ASCC1: variants seen among roughly 807,000 people sequenced by gnomAD.
ASCC1 encodes the protein activating signal cointegrator 1 complex subunit 1, also known as ASC-1 complex subunit P50.
In ASCC1, 35 loss-of-function variants were observed where a neutral mutation model predicts 46.6. The ratio of observed to expected loss-of-function variants is 0.75; its 90% CI spans 0.57 to 0.99. The LOEUF (loss-of-function observed/expected upper bound fraction) is 0.99, where lower values mean the gene tolerates loss of function less well. Among genes scored for constraint, ASCC1 ranks in the 50% least tolerant of loss-of-function variants. The pLI, the probability that ASCC1 is intolerant of heterozygous loss-of-function variation, is 0.00. For missense variants in ASCC1, 376 were observed against 428.7 expected, an observed-to-expected ratio of 0.88 and a Z score of 1.09; for synonymous variants, 143 against 146.6, an observed-to-expected ratio of 0.98 and a Z score of 0.18.
intron 5 of ASCC1, 46 bp from the exon 6 acceptor site, chr10:72,161,720 C>T: frequency 6.2e-7 from 1 of 1,612,464 alleles, no homozygotes; most frequent in Admixed American, 1.7e-5. Context: ...CATACAAAGG[C>T]AAATGGCAAG....
chr10:72,190,486 A>G (rs1854254786), intron 5 of ASCC1: 1 of 1,597,752 alleles, frequency 6.3e-7, no homozygotes, highest in Non-Finnish European at 8.5e-7. Context: ...GTGGCCTTGG[A>G]AAGGGCCATA....
chr10:72,113,702 T>C (rs2132047717), intron 9 of ASCC1, among the ~76,000 whole-genome samples: 1 of 152,388 alleles, frequency 6.6e-6, no homozygotes, highest in South Asian at 2.1e-4. Context: ...TTTCCTTATA[T>C]ATCTGATGCT....
At chr10:72,105,941 G>A (rs566064106) in intron 9 of ASCC1, among the ~76,000 whole-genome samples, 2 of 152,118 alleles carry the variant, frequency 1.3e-5, no homozygotes, top group South Asian at 4.2e-4. Context: ...GGGTGGAGAG[G>A]GGCCTTTTCT....
chr10:72,135,534 T>C (rs1481379079), intron 7 of ASCC1, among the ~76,000 whole-genome samples: 1 of 152,070 alleles, frequency 6.6e-6, no homozygotes, highest in African/African-American at 2.4e-5. Flanking sequence ...GCAGTGAAAC[T>C]AGGAAGAGAG....
chr10:72,118,473 C>T lies in ASCC1; in HGVS notation c.957+9609G>A, dbSNP rs569094555. ...TAATAAAAAGAAACAACGTTTTCTT[C>T]CTCAAATGAAATAATACACTTTCTG... On this transcript the variant is annotated intron_variant, in intron 9 of 9. Transcript: ENST00000672957. Among the ~76,000 whole-genome samples, 4 of 151,898 alleles carry T rather than the reference C, an allele frequency of 2.6e-5. No homozygotes were observed. The South Asian group carries it at 8.3e-4, about 32-fold the overall frequency.
At chr10:72,114,120 A>T (rs1843224312) in intron 9 of ASCC1, among the ~76,000 whole-genome samples, 1 of 152,240 alleles carries the variant, frequency 6.6e-6, no homozygotes, top group African/African-American at 2.4e-5. Context: ...ATAGAGAAGC[A>T]CAGAATTAAT....
intron 4 of ASCC1, among the ~76,000 whole-genome samples, chr10:72,197,467 C>CAAAAAAAAAAAAA (rs59460393): frequency 3.9e-5 from 2 of 51,362 alleles, no homozygotes; most frequent in African/African-American, 7.9e-5. Context: ...GACTCTATCT[C>CAAAAAAAAAAAAA]AAAAAAAAAA....
intron 6 of ASCC1, among the ~76,000 whole-genome samples, chr10:72,153,373 A>G (rs1308857206): frequency 6.6e-6 from 1 of 152,202 alleles, no homozygotes; most frequent in Non-Finnish European, 1.5e-5. Context: ...TTTCACTCAT[A>G]TAACAAAGGT....
intron 7 of ASCC1, among the ~76,000 whole-genome samples, chr10:72,151,973 G>A (rs1448424608): frequency 7.1e-6 from 1 of 141,564 alleles, no homozygotes; most frequent in Non-Finnish European, 1.5e-5. Context: ...ACAGGCGTGA[G>A]CCACCGCAAC....
At chr10:72,216,061 G>C (rs1450488831) in intron 1 of ASCC1, 146 bp downstream of exon 1, 1 of 152,362 alleles carries the variant, frequency 6.6e-6, no homozygotes, top group Non-Finnish European at 1.5e-5. Flanking sequence ...ACACGCCGCG[G>C]TCCTCGTCGT....
At chr10:72,161,272 TAGAC>T (rs1327176614) in intron 6 of ASCC1, among the ~76,000 whole-genome samples, 3 of 151,972 alleles carry the variant, frequency 2.0e-5, no homozygotes, top group Non-Finnish European at 1.5e-5. Context: ...GTTACTGTAA[TAGAC>T]AGAATAATGA....
chr10:72,127,660 G>GGTTCT lies in ASCC1; in HGVS notation c.957+421_957+422insAGAAC, dbSNP rs1554827501. On this transcript the variant is annotated intron_variant, in intron 9 of 9. Coordinates refer to ENST00000672957, the MANE Select transcript of ASCC1 (RefSeq NM_001198800.3). ...ATCCAAGTGGTTGGAATACCTAAGG[G>GGTTCT]TTTCTTTTTTTTTTTTTTTCCTAAG... Among the ~76,000 whole-genome samples, 286 of 86,884 alleles carry GGTTCT rather than the reference G, an allele frequency of 3.3e-3. 3 individuals are homozygous for GGTTCT. Among genetic ancestry groups the GGTTCT allele is most frequent in the African/African-American group, 0.021 (267 of 12,516 alleles). 57.0% of individuals were successfully genotyped at this position (86,884 alleles called of 152,430 possible). A position where few individuals can be genotyped will look rare whatever the true frequency, so the allele number is the denominator to read the frequency against.
chr10:72,172,741 CATATATTAT>C (rs1282581598), intron 5 of ASCC1, among the ~76,000 whole-genome samples: 1 of 129,400 alleles, frequency 7.7e-6, no homozygotes, highest in African/African-American at 2.8e-5. Flanking sequence ...ATATATATTA[CATATATTAT>C]ATATTTTTAT....
intron 3 of ASCC1, among the ~76,000 whole-genome samples, chr10:72,204,936 G>T (rs538400151): frequency 1.3e-5 from 2 of 152,322 alleles, no homozygotes; most frequent in Admixed American, 6.5e-5. Context: ...GGTTCAAAGT[G>T]CTATTAATAA....
intron 3 of ASCC1, among the ~76,000 whole-genome samples, chr10:72,208,059 G>A (rs1197666228): frequency 6.6e-6 from 1 of 151,868 alleles, no homozygotes; most frequent in South Asian, 2.1e-4. Flanking sequence ...CCAACTCATG[G>A]GCTCAAGCAA....
intron 7 of ASCC1, among the ~76,000 whole-genome samples, chr10:72,151,692 T>A (rs918889532): frequency 3.3e-5 from 5 of 152,036 alleles, no homozygotes; most frequent in Non-Finnish European, 5.9e-5. Flanking sequence ...TTAATCTTTT[T>A]AAATTTTTTT....
chr10:72,175,631 T>C (rs1286728251), intron 5 of ASCC1, among the ~76,000 whole-genome samples: 1 of 152,212 alleles, frequency 6.6e-6, no homozygotes, highest in African/African-American at 2.4e-5. Flanking sequence ...GCATGGGCTT[T>C]TATACTGACC....
intron 9 of ASCC1, among the ~76,000 whole-genome samples, chr10:72,104,713 C>T (rs1842152095): frequency 6.6e-6 from 1 of 152,006 alleles, no homozygotes; most frequent in Admixed American, 6.6e-5. Flanking sequence ...TTATGGAAGT[C>T]AGTATTTTTT....
chr10:72,132,794 T>C (rs1845758028), intron 8 of ASCC1, among the ~76,000 whole-genome samples: 1 of 151,926 alleles, frequency 6.6e-6, no homozygotes, highest in African/African-American at 2.4e-5. Context: ...TTATTCACTG[T>C]TTATATAAAA....
Sources: gnomAD v4.1 joint callset for allele counts (sites outside exome capture counted in the v4.1 genomes callset) on GRCh38, gnomAD v4.1.1 for gene constraint, MANE v1.5 for transcripts, NCBI Gene and HGNC (gene_info 2026-07-23, HGNC 2026-07-21) for gene names.